EXOC6B: variants seen among roughly 807,000 people sequenced by gnomAD.
The protein encoded by EXOC6B is SEC15 homolog B.
A neutral mutation model predicts 113.5 loss-of-function variants in EXOC6B; 54 were observed. The observed-to-expected ratio is 0.48, with a 90% confidence interval of 0.38 to 0.60. The LOEUF (loss-of-function observed/expected upper bound fraction) is 0.60, where lower values mean the gene tolerates loss of function less well. Ranked by LOEUF, EXOC6B falls within the 20% of genes least tolerant of loss-of-function variation. EXOC6B has a pLI of 0.00. For missense variants in EXOC6B, 797 were observed against 977.5 expected (o/e 0.82, Z 2.46); for synonymous variants, 357 against 339.0 (o/e 1.05, Z -0.58).
At chr2:72,496,953 T>C (rs1345360872) in intron 13 of EXOC6B, among the ~76,000 whole-genome samples, 1 of 99,500 alleles carries the variant, frequency 1.0e-5, no homozygotes, top group Non-Finnish European at 2.0e-5. Context: ...ATGTACATTA[T>C]TATTATTATT....
At chr2:72,654,860 A>G (rs1674471972) in intron 6 of EXOC6B, among the ~76,000 whole-genome samples, 1 of 152,218 alleles carries the variant, frequency 6.6e-6, no homozygotes, top group East Asian at 1.9e-4. Flanking sequence ...GCTTTATTCT[A>G]CATGAACTAT....
At chr2:72,537,154 T>C (rs1702340408) in intron 8 of EXOC6B, among the ~76,000 whole-genome samples, 1 of 152,192 alleles carries the variant, frequency 6.6e-6, no homozygotes, top group Admixed American at 6.5e-5. Context: ...GGAAATAATG[T>C]ACATGGTGGG....
At chr2:72,239,005 C>T (rs1481337578) in intron 20 of EXOC6B, among the ~76,000 whole-genome samples, 1 of 152,040 alleles carries the variant, frequency 6.6e-6, no homozygotes, top group Admixed American at 6.6e-5. Flanking sequence ...CTCAGGGGAT[C>T]CTCCCACCTC....
intron 18 of EXOC6B, among the ~76,000 whole-genome samples, chr2:72,441,916 T>C (rs554483024): frequency 1.3e-5 from 2 of 152,186 alleles, no homozygotes; most frequent in African/African-American, 4.8e-5. Flanking sequence ...GCCAGCCTCA[T>C]CCTGATAGCA....
chr2:72,182,886 A>C, intron 21 of EXOC6B: 1 of 1,231,036 alleles, frequency 8.1e-7, no homozygotes, highest in African/African-American at 1.6e-5. Flanking sequence ...AGTGAATAAT[A>C]TACTTACTCT....
At chr2:72,233,839 C>T (rs922094818) in intron 20 of EXOC6B, among the ~76,000 whole-genome samples, 4 of 152,176 alleles carry the variant, frequency 2.6e-5, no homozygotes, top group Non-Finnish European at 5.9e-5. Context: ...GGGTGTGTGC[C>T]CCTACCTACC....
intron 6 of EXOC6B, among the ~76,000 whole-genome samples, chr2:72,606,859 C>T (rs1670788231): frequency 1.3e-5 from 2 of 152,088 alleles, no homozygotes; most frequent in Non-Finnish European, 2.9e-5. Flanking sequence ...GATCTACCCA[C>T]CTCGGCCTCC....
At chr2:72,521,992 G>A (rs983756839) in intron 8 of EXOC6B, among the ~76,000 whole-genome samples, 7 of 152,050 alleles carry the variant, frequency 4.6e-5, no homozygotes, top group Middle Eastern at 3.4e-3. Context: ...CACTGCACCC[G>A]GCCAGTTTAA....
chr2:72,671,977 A>G (rs1573596186), intron 6 of EXOC6B, among the ~76,000 whole-genome samples: 1 of 152,188 alleles, frequency 6.6e-6, no homozygotes, highest in African/African-American at 2.4e-5. Flanking sequence ...AAAGAAATGC[A>G]AATCAAAACC....
chr2:72,289,782 G>A (rs1405822971), intron 20 of EXOC6B, among the ~76,000 whole-genome samples: 2 of 152,092 alleles, frequency 1.3e-5, no homozygotes, highest in South Asian at 2.1e-4. Context: ...TTTAGTACCT[G>A]TAGTCCCTGA....
At chr2:72,648,958 T>C (rs886781012) in intron 6 of EXOC6B, among the ~76,000 whole-genome samples, 1 of 152,056 alleles carries the variant, frequency 6.6e-6, no homozygotes, top group Non-Finnish European at 1.5e-5. Context: ...CTTGACAAGA[T>C]GGTGAGACCC....
At chr2:72,255,179 C>T (rs1475489222) in intron 20 of EXOC6B, among the ~76,000 whole-genome samples, 2 of 152,154 alleles carry the variant, frequency 1.3e-5, no homozygotes, top group African/African-American at 4.8e-5. Flanking sequence ...CAATGCAGGA[C>T]CCTTCTGTCT....
intron 7 of EXOC6B, among the ~76,000 whole-genome samples, chr2:72,567,721 A>C (rs1704269604): frequency 6.6e-6 from 1 of 152,096 alleles, no homozygotes; most frequent in South Asian, 2.1e-4. Context: ...GAGCTCAAAA[A>C]CTGGATGGAT....
At chr2:72,769,116 T>C (rs1216433812) in intron 1 of EXOC6B, among the ~76,000 whole-genome samples, 1 of 152,218 alleles carries the variant, frequency 6.6e-6, no homozygotes, top group Non-Finnish European at 1.5e-5. Context: ...GTATATGTTA[T>C]GTATATTTTA....
chr2:72,341,650 G>T (rs915136155), intron 19 of EXOC6B, among the ~76,000 whole-genome samples: 1 of 152,022 alleles, frequency 6.6e-6, no homozygotes, highest in African/African-American at 2.4e-5. Context: ...GATGACAGGG[G>T]TCTTCAATAC....
chr2:72,656,030 AAT>A (rs1477071642), intron 6 of EXOC6B, among the ~76,000 whole-genome samples: 2 of 152,124 alleles, frequency 1.3e-5, no homozygotes, highest in Non-Finnish European at 2.9e-5. Context: ...GTTTCTTTGA[AAT>A]GTGACACTTT....
intron 18 of EXOC6B, among the ~76,000 whole-genome samples, chr2:72,451,884 A>T (rs1308816461): frequency 6.6e-6 from 1 of 152,148 alleles, no homozygotes; most frequent in Non-Finnish European, 1.5e-5. Context: ...ACTGAAGTAT[A>T]TTAAAATTGT....
intron 8 of EXOC6B, among the ~76,000 whole-genome samples, chr2:72,545,488 G>T (rs1371121891): frequency 6.6e-6 from 1 of 152,082 alleles, no homozygotes; most frequent in Non-Finnish European, 1.5e-5. Flanking sequence ...TTATTAAATA[G>T]CAACAGTGCT....
At chr2:72,243,775 G>GA (rs1234900025) in intron 20 of EXOC6B, among the ~76,000 whole-genome samples, 2 of 151,734 alleles carry the variant, frequency 1.3e-5, no homozygotes, top group East Asian at 1.9e-4. Flanking sequence ...GAACAAAAAC[G>GA]AAAAAACAAA....
Sources: allele counts gnomAD v4.1 joint callset (sites outside exome capture counted in the v4.1 genomes callset), GRCh38; gene constraint gnomAD v4.1.1; transcripts MANE v1.5; gene names NCBI Gene and HGNC (gene_info 2026-07-23, HGNC 2026-07-21).